The following APBB2 variants were observed in gnomAD, a reference collection of about 807,000 sequenced individuals.
The protein encoded by APBB2 is amyloid beta precursor protein binding family B member 2.
Under a neutral mutation model 82.5 loss-of-function variants are expected in APBB2, and 38 were observed. That is an observed-to-expected ratio of 0.46 (90% CI 0.36 to 0.60). The LOEUF is 0.60. Ranked by LOEUF, APBB2 falls within the 20% of genes least tolerant of loss-of-function variation. APBB2 has a pLI of 0.00. For synonymous variants in APBB2, 341 were observed against 368.2 expected (o/e 0.93, Z 0.85); for missense variants, 772 against 972.3 (o/e 0.79, Z 2.74).
intron 3 of APBB2, among the ~76,000 whole-genome samples, chr4:41,078,713 A>C (rs1038765706): frequency 1.3e-5 from 2 of 152,332 alleles, no homozygotes; most frequent in Admixed American, 6.5e-5. Flanking sequence ...TCATATGGAT[A>C]AACACCTTGG....
At chr4:41,034,055 T>C (rs1450587444) in intron 4 of APBB2, among the ~76,000 whole-genome samples, 2 of 152,222 alleles carry the variant, frequency 1.3e-5, no homozygotes, top group Non-Finnish European at 2.9e-5. Context: ...GAGTAAAAGC[T>C]GGCAAAATTC....
chr4:40,889,273 C>T (rs951449229), intron 12 of APBB2, among the ~76,000 whole-genome samples: 1 of 152,232 alleles, frequency 6.6e-6, no homozygotes, highest in South Asian at 2.1e-4. Context: ...CTGATGAATA[C>T]TTGGCCATAA....
intron 6 of APBB2, among the ~76,000 whole-genome samples, chr4:40,999,647 A>T (rs79807705): frequency 0.042 from 6,361 of 152,222 alleles, 272 homozygotes; most frequent in African/African-American, 0.11. Context: ...GAAAATTAGA[A>T]TTTTTAAAAT....
intron 3 of APBB2, among the ~76,000 whole-genome samples, chr4:41,070,492 G>C (rs1428227002): frequency 3.9e-5 from 6 of 152,002 alleles, no homozygotes; most frequent in African/African-American, 1.4e-4. Flanking sequence ...AGTAGAGACA[G>C]GGTTTTACCA....
At chr4:41,212,652 G>A (rs1449041610) in intron 1 of APBB2, among the ~76,000 whole-genome samples, 1 of 152,202 alleles carries the variant, frequency 6.6e-6, no homozygotes, top group Non-Finnish European at 1.5e-5. Flanking sequence ...ATCTAGAGAC[G>A]TGGTTACATC....
intron 12 of APBB2, among the ~76,000 whole-genome samples, chr4:40,883,623 G>A (rs537561038): frequency 2.0e-5 from 3 of 151,464 alleles, no homozygotes; most frequent in East Asian, 1.9e-4. Context: ...TTAACTCTAC[G>A]GAACAGTAGC....
chr4:41,118,759 C>T (rs1751888871), intron 2 of APBB2, among the ~76,000 whole-genome samples: 1 of 151,782 alleles, frequency 6.6e-6, no homozygotes. Flanking sequence ...TATTAAGATA[C>T]AAAAAAAGAG....
intron 3 of APBB2, among the ~76,000 whole-genome samples, chr4:41,093,135 CCA>C (rs1243216059): frequency 2.0e-5 from 3 of 152,160 alleles, no homozygotes; most frequent in Non-Finnish European, 4.4e-5. Flanking sequence ...GAAAGAAACC[CCA>C]GAGTTTTTCA....
intron 12 of APBB2, among the ~76,000 whole-genome samples, chr4:40,843,221 C>T (rs2154315985): frequency 6.6e-6 from 1 of 152,284 alleles, no homozygotes; most frequent in Admixed American, 6.5e-5. Flanking sequence ...GGAAGAAACC[C>T]AATGTTTACA....
chr4:40,904,102 C>CCAGG (rs141514945), intron 10 of APBB2, among the ~76,000 whole-genome samples: 5,844 of 152,128 alleles, frequency 0.038, 364 homozygotes, highest in African/African-American at 0.13. Context: ...TGCCCGCAGC[C>CCAGG]CAGGGTCTTT....
intron 17 of APBB2, among the ~76,000 whole-genome samples, chr4:40,816,579 A>T (rs991858496): frequency 2.0e-5 from 3 of 152,182 alleles, no homozygotes; most frequent in Admixed American, 2.0e-4. Context: ...ATTGGGAGAG[A>T]GTGTGTTAAT....
chr4:40,871,932 G>A (rs944622625), intron 12 of APBB2, among the ~76,000 whole-genome samples: 5 of 152,222 alleles, frequency 3.3e-5, no homozygotes, highest in African/African-American at 9.6e-5. Context: ...CGAGGTTGAA[G>A]AGATCTAGTA....
Position 40,830,477 on chromosome 4 carries a change from C to T in APBB2, c.1630G>A (p.Glu544Lys), listed in dbSNP as rs762727771. The change falls in exon 13 of 18, where the codon GAG (glutamate) becomes AAG (lysine). Residue 544 changes from glutamate to lysine, a missense_variant. By Grantham distance (56) the Glu-to-Lys change is moderately conservative. Transcript: ENST00000508593. The part of the protein sequence containing the change: ...PAKAIATSLH[E>K]ICSKIMAERK... ...ACCCACCTTACCTTGGAGCAGATCT[C>T]GTGGAGACTTGTGGCAATGGCTTTT... 29 of 1,613,494 alleles carry T rather than the reference C, an allele frequency of 1.8e-5. No individual in the cohort carries two copies. The highest frequency in any genetic ancestry group is 2.2e-5 in the East Asian group (1 of 44,888).
chr4:40,833,427 C>T (rs1752758880), intron 12 of APBB2, among the ~76,000 whole-genome samples: 1 of 152,248 alleles, frequency 6.6e-6, no homozygotes, highest in South Asian at 2.1e-4. Flanking sequence ...CCTCCCCACA[C>T]TGTCCAGCGC....
At chr4:41,051,377 C>T (rs1309939624) in intron 4 of APBB2, among the ~76,000 whole-genome samples, 3 of 152,230 alleles carry the variant, frequency 2.0e-5, no homozygotes, top group African/African-American at 7.2e-5. Context: ...CTTTTCTAGA[C>T]AGTTTTCCCC....
At chr4:41,036,783 G>A (rs1047758876) in intron 4 of APBB2, among the ~76,000 whole-genome samples, 4 of 152,180 alleles carry the variant, frequency 2.6e-5, no homozygotes, top group Non-Finnish European at 5.9e-5. Flanking sequence ...TCCTGGCCCT[G>A]GGGATGAGGT....
chr4:40,982,289 G>GAAAGAAAGAAAGAAAGAAA (rs1560446559), intron 6 of APBB2, among the ~76,000 whole-genome samples: 9 of 27,568 alleles, frequency 3.3e-4, no homozygotes, highest in African/African-American at 2.2e-3. Flanking sequence ...AAAGAAGGAA[G>GAAAGAAAGAAAGAAAGAAA]GAAGGAAGGA....
intron 4 of APBB2, among the ~76,000 whole-genome samples, chr4:41,060,604 C>T (rs1258269362): frequency 2.6e-5 from 4 of 151,930 alleles, no homozygotes; most frequent in Non-Finnish European, 4.4e-5. Flanking sequence ...GGAGTTCAGA[C>T]AAATTATATA....
At chr4:41,160,895 C>T (rs780600459) in intron 1 of APBB2, among the ~76,000 whole-genome samples, 14 of 152,084 alleles carry the variant, frequency 9.2e-5, no homozygotes, top group Non-Finnish European at 1.6e-4. Context: ...CTAAGCACCT[C>T]GCATGCATTA....
Sources: gnomAD v4.1 joint callset for allele counts (sites outside exome capture counted in the v4.1 genomes callset) on GRCh38, gnomAD v4.1.1 for gene constraint, MANE v1.5 for transcripts, NCBI Gene and HGNC (gene_info 2026-07-23, HGNC 2026-07-21) for gene names.